The following ADGRG7 variants were observed in gnomAD, a reference collection of about 807,000 sequenced individuals.
The protein encoded by ADGRG7 is G-protein coupled receptor 128.
A neutral mutation model predicts 88.6 loss-of-function variants in ADGRG7; 82 were observed. The observed-to-expected ratio is 0.93, with a 90% CI of 0.77 to 1.11. ADGRG7 has a LOEUF of 1.11. ADGRG7 is among the 50% of genes most tolerant of loss of function. The pLI is 0.00. For synonymous variants in ADGRG7, 381 were observed against 345.2 expected (o/e 1.10, Z -1.15); for missense variants, 945 against 953.4 (o/e 0.99, Z 0.12).
chr3:100,685,335 G>A (rs908557089), intron 15 of ADGRG7, among the ~76,000 whole-genome samples: 3 of 152,024 alleles, frequency 2.0e-5, no homozygotes, highest in African/African-American at 4.8e-5. Context: ...AGCCTGAGAA[G>A]GAACTAAAAT....
At chr3:100,669,406 A>G (rs114327412) in intron 15 of ADGRG7, among the ~76,000 whole-genome samples, 3,270 of 151,866 alleles carry the variant, frequency 0.022, 113 homozygotes, top group African/African-American at 0.074. Flanking sequence ...GTCTCCTCCT[A>G]CTGTAATCTC....
intron 1 of ADGRG7, among the ~76,000 whole-genome samples, chr3:100,626,771 C>A (rs1432062992): frequency 6.6e-6 from 1 of 151,986 alleles, no homozygotes; most frequent in East Asian, 1.9e-4. Context: ...GGCAACAGAG[C>A]AAGACTCCGT....
In ADGRG7 at chr3:100,643,336, A is replaced by C. The variant is rs1707677112; in HGVS notation, c.769A>C (p.Ile257Leu). Residue 257 changes from isoleucine (I) to leucine (L), a missense_variant, in exon 7 of 16, where the codon ATA (isoleucine) becomes CTA (leucine). Physicochemically the swap from Ile to Leu is conservative, Grantham distance 5 (BLOSUM62 2). Transcript: ENST00000273352. Reference sequence around the variant, plus strand: ...ATCAGTGGTGGAACCTAACATAGCAATACAGTCAGCAAATTTCTCTTCAGA... The same window carrying C: ...ATCAGTGGTGGAACCTAACATAGCACTACAGTCAGCAAATTTCTCTTCAGA... ...NQSVVEPNIA[I>L]QSANFSSENA... The C allele has an allele frequency of 1.2e-6, 2 of 1,614,108 alleles. No homozygotes were observed. The highest frequency in any genetic ancestry group is 1.7e-6 in the Non-Finnish European group (2 of 1,179,944).
rs181794744 is a variant in ADGRG7, at chr3:100,624,260, G to A, written c.116-5338G>A. Among the ~76,000 whole-genome samples, 7 of 152,204 alleles carry A rather than the reference G, an allele frequency of 4.6e-5. No individual in the cohort carries two copies. The South Asian group carries it at 6.2e-4, about 14-fold the overall frequency. Reference sequence around the variant, plus strand: ...CTGGTGTGAAATGATATCTCTTTGCGGTTTTGATTTGCATTTCTGTAATGA... The same window carrying A: ...CTGGTGTGAAATGATATCTCTTTGCAGTTTTGATTTGCATTTCTGTAATGA... On this transcript the variant is annotated intron_variant, in intron 1 of 15. Transcript: ENST00000273352.
rs775161306 is a variant in ADGRG7, at chr3:100,635,706, C to A, written c.477C>A (p.Asn159Lys). ...AGGATGTCACAGCACCACTTAATAA[C>A]ATTTCTTCTGAAGTCCAGATTTTAA... ...QVKDVTAPLN[N>K]ISSEVQILTS... is the part of the protein sequence containing the mutation. The change falls in exon 5 of 16, where the codon AAC (asparagine) becomes AAA (lysine). Residue 159 changes from asparagine to lysine, a missense_variant. Asn to Lys is a moderately conservative substitution (Grantham distance 94, BLOSUM62 0). Transcript: ENST00000273352. 2 of 1,613,724 alleles carry A rather than the reference C, an allele frequency of 1.2e-6. No individual in the cohort carries two copies. The highest frequency in any genetic ancestry group is 3.3e-5 in the Admixed American group (2 of 59,986).
intron 1 of ADGRG7, among the ~76,000 whole-genome samples, chr3:100,618,814 G>A (rs1017754751): frequency 2.2e-4 from 33 of 152,064 alleles, no homozygotes; most frequent in African/African-American, 8.0e-4. Flanking sequence ...GGGCAGTATG[G>A]CCATTTTCAC....
At chr3:100,673,488 G>A (rs2094961240) in intron 15 of ADGRG7, among the ~76,000 whole-genome samples, 1 of 143,190 alleles carries the variant, frequency 7.0e-6, no homozygotes, top group African/African-American at 2.6e-5. Context: ...TTTTGACAGA[G>A]TCTCGGTCTG....
At chr3:100,647,083 G>A (rs1707764893) in intron 10 of ADGRG7, among the ~76,000 whole-genome samples, 2 of 151,140 alleles carry the variant, frequency 1.3e-5, no homozygotes, top group African/African-American at 4.9e-5. Flanking sequence ...CTTGAACCTG[G>A]GAGACAGAGG....
chr3:100,660,097 A>G (rs1298830919), intron 14 of ADGRG7, among the ~76,000 whole-genome samples: 1 of 152,190 alleles, frequency 6.6e-6, no homozygotes, highest in Non-Finnish European at 1.5e-5. Flanking sequence ...TCAACTAAAA[A>G]CTAAACCTAG....
intron 15 of ADGRG7, among the ~76,000 whole-genome samples, chr3:100,688,163 A>G (rs1407613744): frequency 1.3e-5 from 2 of 152,102 alleles, no homozygotes; most frequent in Non-Finnish European, 2.9e-5. Context: ...GTTTATTTGC[A>G]TAGAGGTGTT....
intron 15 of ADGRG7, among the ~76,000 whole-genome samples, chr3:100,679,732 A>G (rs1373817884): frequency 6.6e-6 from 1 of 152,148 alleles, no homozygotes; most frequent in East Asian, 1.9e-4. Context: ...ATTTTTGTCA[A>G]GTAGCTGGAT....
chr3:100,659,464 A>AC (rs71132528), intron 13 of ADGRG7, among the ~76,000 whole-genome samples: 8 of 148,864 alleles, frequency 5.4e-5, no homozygotes, highest in Non-Finnish European at 7.4e-5. Context: ...AAAAAAAAAA[A>AC]GGCCCATCAA....
In ADGRG7 at chr3:100,669,761, G is replaced by A. The variant is rs117703580; in HGVS notation, c.2136+656G>A. Reference sequence around the variant, plus strand: ...TTAAATTATTATTGACTGGCCGGGCGTGGTGGCTCACGGCCTGTAATTCCA... The same window carrying A: ...TTAAATTATTATTGACTGGCCGGGCATGGTGGCTCACGGCCTGTAATTCCA... On this transcript the variant is annotated intron_variant, in intron 15 of 15. Coordinates refer to ENST00000273352, the MANE Select transcript of ADGRG7 (RefSeq NM_032787.3). Among the ~76,000 whole-genome samples the A allele has an allele frequency of 7.9e-5, 12 of 152,128 alleles. No homozygotes were observed. In the East Asian group the frequency reaches 1.9e-3, roughly 24 times the overall value.
chr3:100,666,841 G>A (rs1038646438), intron 14 of ADGRG7, among the ~76,000 whole-genome samples: 1 of 152,138 alleles, frequency 6.6e-6, no homozygotes, highest in African/African-American at 2.4e-5. Context: ...ATTAGGGAGT[G>A]GTGATGACTC....
rs757439286 is a variant in ADGRG7, at chr3:100,629,576, C to G, written c.116-22C>G. 2.6e-6 allele frequency: 4 copies of G among 1,539,036 alleles called. No individual in the cohort carries two copies. In the African/African-American group the frequency reaches 5.5e-5, roughly 21 times the overall value. On this transcript the variant is annotated intron_variant, in intron 1 of 15. Coordinates refer to ENST00000273352, the MANE Select transcript of ADGRG7 (RefSeq NM_032787.3). ...ATGAATCAGCCAGTTCATGACTATT[C>G]TGTTATTTATTGTTTCTTTAGGAAA...
chr3:100,638,010 C>T, intron 6 of ADGRG7, among the ~76,000 whole-genome samples: 1 of 152,226 alleles, frequency 6.6e-6, no homozygotes, highest in African/African-American at 2.4e-5. Context: ...GGCCCCACAG[C>T]AGCATCCAGA....
chr3:100,682,832 C>T (rs1159513350), intron 15 of ADGRG7, among the ~76,000 whole-genome samples: 3 of 152,200 alleles, frequency 2.0e-5, no homozygotes, highest in Non-Finnish European at 4.4e-5. Flanking sequence ...CGGGTGGGAG[C>T]TCCCTGGGTG....
intron 13 of ADGRG7, among the ~76,000 whole-genome samples, chr3:100,658,181 A>G (rs961644649): frequency 6.6e-5 from 10 of 152,116 alleles, no homozygotes; most frequent in African/African-American, 2.4e-4. Context: ...TTAATCCCCT[A>G]CATACCACAT....
At chr3:100,675,514 T>C (rs1447838833) in intron 15 of ADGRG7, among the ~76,000 whole-genome samples, 2 of 152,194 alleles carry the variant, frequency 1.3e-5, no homozygotes, top group African/African-American at 4.8e-5. Flanking sequence ...TGTTGAGGAT[T>C]TTTGCATCAA....
Sources: allele counts gnomAD v4.1 joint callset (sites outside exome capture counted in the v4.1 genomes callset), GRCh38; gene constraint gnomAD v4.1.1; transcripts MANE v1.5; gene names NCBI Gene and HGNC (gene_info 2026-07-23, HGNC 2026-07-21).